SGCZ: variants seen among roughly 807,000 people sequenced by gnomAD.
SGCZ encodes the protein zeta-sarcoglycan.
In SGCZ, 40 loss-of-function variants were observed where a neutral mutation model predicts 41.3. The ratio of observed to expected loss-of-function variants is 0.97; its 90% CI spans 0.75 to 1.26. SGCZ has a LOEUF of 1.26. SGCZ is among the 50% of genes most tolerant of loss of function. The pLI, the probability that SGCZ is intolerant of heterozygous loss-of-function variation, is 0.00. For missense variants in SGCZ, 552 were observed against 369.8 expected (o/e 1.49, Z -4.04); for synonymous variants, 206 against 137.5 (o/e 1.50, Z -3.49).
chr8:14,974,460 G>A (rs1363577172), intron 1 of SGCZ, among the ~76,000 whole-genome samples: 1 of 152,124 alleles, frequency 6.6e-6, no homozygotes, highest in African/African-American at 2.4e-5. Flanking sequence ...AAGAGAAATC[G>A]CTAACCTGAT....
At chr8:15,077,673 C>T (rs1423852203) in intron 1 of SGCZ, among the ~76,000 whole-genome samples, 4 of 152,216 alleles carry the variant, frequency 2.6e-5, no homozygotes, top group African/African-American at 7.2e-5. Flanking sequence ...AAACATGAAC[C>T]TTATCTTACT....
intron 1 of SGCZ, among the ~76,000 whole-genome samples, chr8:14,599,844 A>G (rs1002922300): frequency 2.0e-5 from 3 of 152,164 alleles, no homozygotes; most frequent in Admixed American, 2.0e-4. Context: ...TTTTTCCATC[A>G]TACAAACAAA....
At chr8:14,538,628 G>C (rs1479335540) in intron 2 of SGCZ, among the ~76,000 whole-genome samples, 1 of 151,932 alleles carries the variant, frequency 6.6e-6, no homozygotes, top group Non-Finnish European at 1.5e-5. Flanking sequence ...TTCTCCTTAA[G>C]CATAACACAA....
chr8:14,861,538 C>A (rs893818586), intron 1 of SGCZ, among the ~76,000 whole-genome samples: 1 of 152,014 alleles, frequency 6.6e-6, no homozygotes, highest in Non-Finnish European at 1.5e-5. Flanking sequence ...ACATAAAGAA[C>A]AGTAAAATTC....
intron 1 of SGCZ, among the ~76,000 whole-genome samples, chr8:14,827,236 C>CTTTTTT (rs36071307): frequency 6.2e-4 from 76 of 122,284 alleles, no homozygotes; most frequent in Non-Finnish European, 1.0e-3. Context: ...CTTTTCTTTT[C>CTTTTTT]TTTTTTTTTT....
intron 2 of SGCZ, among the ~76,000 whole-genome samples, chr8:14,477,185 T>C (rs1481013995): frequency 6.6e-6 from 1 of 152,200 alleles, no homozygotes; most frequent in African/African-American, 2.4e-5. Flanking sequence ...TTTAACTGTG[T>C]AAAATACCTA....
At chr8:15,051,844 G>C (rs1204599230) in intron 1 of SGCZ, among the ~76,000 whole-genome samples, 2 of 152,176 alleles carry the variant, frequency 1.3e-5, no homozygotes, top group African/African-American at 4.8e-5. Context: ...ACTGCACTTA[G>C]AGGTGTGTTT....
chr8:14,143,497 A>G (rs1456145652), intron 5 of SGCZ, among the ~76,000 whole-genome samples: 1 of 152,232 alleles, frequency 6.6e-6, no homozygotes, highest in East Asian at 1.9e-4. Flanking sequence ...ATAAGAACAC[A>G]TTAGAAATCA....
At chr8:14,687,700 G>A (rs941246460) in intron 1 of SGCZ, among the ~76,000 whole-genome samples, 1 of 151,432 alleles carries the variant, frequency 6.6e-6, no homozygotes, top group African/African-American at 2.4e-5. Context: ...AGTCCTTTGG[G>A]TATATACCCA....
At chr8:14,599,399 C>T (rs62494839) in intron 1 of SGCZ, among the ~76,000 whole-genome samples, 26,033 of 152,132 alleles carry the variant, frequency 0.17, 2,699 homozygotes, top group Non-Finnish European at 0.23. Flanking sequence ...ACCTACTCAG[C>T]ACATACATTC....
At chr8:14,201,050 C>A (rs2117070063) in intron 4 of SGCZ, among the ~76,000 whole-genome samples, 1 of 152,086 alleles carries the variant, frequency 6.6e-6, no homozygotes, top group South Asian at 2.1e-4. Context: ...CTCAATATAG[C>A]TAGTAATTAG....
intron 2 of SGCZ, among the ~76,000 whole-genome samples, chr8:14,388,068 C>G (rs1332921605): frequency 6.6e-6 from 1 of 151,882 alleles, no homozygotes; most frequent in Admixed American, 6.6e-5. Context: ...GTAAGATATT[C>G]AGGAAAAGGA....
At chr8:14,900,439 A>G (rs1798934033) in intron 1 of SGCZ, among the ~76,000 whole-genome samples, 1 of 152,156 alleles carries the variant, frequency 6.6e-6, no homozygotes, top group Non-Finnish European at 1.5e-5. Context: ...CAATAGCGGT[A>G]TTCTGTAACC....
intron 1 of SGCZ, among the ~76,000 whole-genome samples, chr8:14,949,178 C>G (rs1197340987): frequency 1.3e-5 from 2 of 152,050 alleles, no homozygotes; most frequent in African/African-American, 4.8e-5. Flanking sequence ...AGTGTTTTAG[C>G]TGGAAGCTGT....
intron 3 of SGCZ, among the ~76,000 whole-genome samples, chr8:14,281,837 C>T (rs1195573234): frequency 6.8e-6 from 1 of 146,194 alleles, no homozygotes; most frequent in Non-Finnish European, 1.5e-5. Flanking sequence ...GTCTTGGAGA[C>T]ATAAATTAAG....
In SGCZ at chr8:14,365,785, T is replaced by A. The variant is rs569884238; in HGVS notation, c.235-41581A>T. On this transcript the variant is annotated intron_variant, in intron 2 of 7. Transcript: ENST00000382080. The stretch of plus-strand genomic sequence containing the variant: ...TTTTTCCAAAAATTTAGTCATTTTA[T>A]TTAAATGTCAAATTTATTGGGATAA... Among the ~76,000 whole-genome samples the A allele has an allele frequency of 4.6e-5, 7 of 152,292 alleles. No homozygotes were observed. In the South Asian group the frequency reaches 1.4e-3, roughly 32 times the overall value.
At chr8:14,604,384 G>T (rs1207028057) in intron 1 of SGCZ, among the ~76,000 whole-genome samples, 2 of 152,080 alleles carry the variant, frequency 1.3e-5, no homozygotes, top group African/African-American at 4.8e-5. Context: ...TCTGCCATGG[G>T]CATATAGGAG....
chr8:14,092,035 T>C (rs1375343390), intron 7 of SGCZ, among the ~76,000 whole-genome samples: 1 of 152,150 alleles, frequency 6.6e-6, no homozygotes, highest in Non-Finnish European at 1.5e-5. Context: ...TTTCTGCGTA[T>C]GGCTAGCCAG....
intron 5 of SGCZ, among the ~76,000 whole-genome samples, chr8:14,137,382 G>T (rs1459699428): frequency 6.6e-6 from 1 of 152,156 alleles, no homozygotes; most frequent in African/African-American, 2.4e-5. Context: ...AAACTCCTCC[G>T]AGCTAAAGGA....
Sources: allele counts gnomAD v4.1 joint callset (sites outside exome capture counted in the v4.1 genomes callset), GRCh38; gene constraint gnomAD v4.1.1; transcripts MANE v1.5; gene names NCBI Gene and HGNC (gene_info 2026-07-23, HGNC 2026-07-21).